NYAP2: variants seen among roughly 807,000 people sequenced by gnomAD.
The protein encoded by NYAP2 is neuronal tyrosine-phosphorylated phosphoinositide-3-kinase adaptor 2.
NYAP2 carries 23 observed loss-of-function variants against 50.4 expected under a neutral mutation model. The observed-to-expected ratio is 0.46, with a 90% CI of 0.33 to 0.65. The LOEUF is 0.65. Ranked by LOEUF, NYAP2 falls within the 30% of genes least tolerant of loss-of-function variation. The probability of loss-of-function intolerance (pLI) is 0.02; values close to 1 mark genes in which losing one functional copy is unlikely to be tolerated. For missense variants in NYAP2, 885 were observed against 861.0 expected, an observed-to-expected ratio of 1.03 and a Z score of -0.35; for synonymous variants, 394 against 365.2, an observed-to-expected ratio of 1.08 and a Z score of -0.90.
downstream of NYAP2, among the ~76,000 whole-genome samples, chr2:225,655,908 A>ACACACACACACACG (rs1693814967): frequency 3.5e-5 from 5 of 144,870 alleles, no homozygotes; most frequent in Admixed American, 3.5e-4. Context: ...ACACACACAC[A>ACACACACACACACG]CACACACACA....
At chr2:225,528,288 G>T (rs977283356) in intron 4 of NYAP2, among the ~76,000 whole-genome samples, 1 of 152,028 alleles carries the variant, frequency 6.6e-6, no homozygotes, top group Admixed American at 6.6e-5. Context: ...AAATTCTATG[G>T]GATAATAGAA....
intron 5 of NYAP2, among the ~76,000 whole-genome samples, chr2:225,595,105 A>G (rs6436572): frequency 0.92 from 139,769 of 152,014 alleles, 64,364 homozygotes; most frequent in Middle Eastern, 0.97. Context: ...ATATTCTACT[A>G]CTCAACTTTC....
chr2:225,645,238 GAAAAAA>G (rs36010669), intron 6 of NYAP2, among the ~76,000 whole-genome samples: 1 of 101,546 alleles, frequency 9.8e-6, no homozygotes, highest in Non-Finnish European at 2.0e-5. Flanking sequence ...AGCCTGGGCA[GAAAAAA>G]AAAAAAAAAA....
chr2:225,658,039 CAT>C (rs1693856229), downstream of NYAP2, among the ~76,000 whole-genome samples: 1 of 152,140 alleles, frequency 6.6e-6, no homozygotes, highest in African/African-American at 2.4e-5. Flanking sequence ...GAACTGAGAA[CAT>C]GTTTTCCATG....
intron 6 of NYAP2, among the ~76,000 whole-genome samples, chr2:225,628,169 C>T (rs565106896): frequency 6.6e-6 from 1 of 151,942 alleles, no homozygotes; most frequent in Middle Eastern, 3.2e-3. Flanking sequence ...ATGTGGATAA[C>T]CAACTCTAAA....
chr2:225,555,498 T>C (rs1691760972), intron 4 of NYAP2, among the ~76,000 whole-genome samples: 1 of 152,162 alleles, frequency 6.6e-6, no homozygotes, highest in Non-Finnish European at 1.5e-5. Flanking sequence ...TGACTGCTTA[T>C]AGAAACAACA....
chr2:225,557,797 G>T (rs754428332), intron 4 of NYAP2, among the ~76,000 whole-genome samples: 6 of 152,070 alleles, frequency 3.9e-5, no homozygotes, highest in Non-Finnish European at 7.4e-5. Flanking sequence ...ATATAAAAAG[G>T]GCTAAGTAGA....
rs191992954 is a variant in NYAP2, at chr2:225,582,842, G to A, written c.1425G>A (p.Ser475=). Residue 475 remains serine, a synonymous_variant, in exon 5 of 7, where the codon TCG becomes TCA. Transcript: ENST00000636099. This position sits in a 1 kb window ranked among gnomAD's most constrained non-coding sequence, Gnocchi z 7.0. ...GGAGCTCTCCTTCAGTGCCTCACTC[G>A]ACCCCCAGACCCGTGTCGCAAGATG... The A allele has an allele frequency of 1.3e-5, 21 of 1,613,662 alleles. 2 individuals carry two copies. In the Middle Eastern group the frequency reaches 2.3e-3, roughly 177 times the overall value.
chr2:225,630,627 G>T (rs550635860), intron 6 of NYAP2, among the ~76,000 whole-genome samples: 1 of 152,206 alleles, frequency 6.6e-6, no homozygotes, highest in African/African-American at 2.4e-5. Context: ...TATTAGCAGG[G>T]ATAAAAGGGG....
intron 3 of NYAP2, among the ~76,000 whole-genome samples, chr2:225,421,393 T>C (rs931801544): frequency 6.6e-6 from 1 of 152,230 alleles, no homozygotes; most frequent in Non-Finnish European, 1.5e-5. Context: ...GAGAACATTA[T>C]TCTTTCAGCA....
At chr2:225,693,209 AC>A in the NYAP2 span, among the ~76,000 whole-genome samples, 1 of 151,970 alleles carries the variant, frequency 6.6e-6, no homozygotes, top group South Asian at 2.1e-4. Flanking sequence ...GGGTTTCCTT[AC>A]CCTTCTCTAG....
At chr2:225,436,386 T>A (rs926958783) in intron 3 of NYAP2, among the ~76,000 whole-genome samples, 1 of 152,134 alleles carries the variant, frequency 6.6e-6, no homozygotes, top group African/African-American at 2.4e-5. Flanking sequence ...CTTGACATGG[T>A]TTGCTGACAA....
chr2:225,482,220 A>G lies in NYAP2; in HGVS notation c.222-31151A>G, dbSNP rs1003627206. On this transcript the variant is annotated intron_variant, in intron 3 of 6. Transcript: ENST00000636099. ...CAGAAAGCTCCATTAAAGTTTTTTC[A>G]TTATAAAAACATCTTCCTATCTGAT... 1.7e-4 allele frequency among the ~76,000 whole-genome samples: 26 copies of G among 152,236 alleles called. 1 individual carries two copies. The highest frequency in any genetic ancestry group is 3.4e-3 in the Middle Eastern group (1 of 294).
intron 6 of NYAP2, among the ~76,000 whole-genome samples, chr2:225,638,555 G>A (rs1211362468): frequency 6.6e-6 from 1 of 152,110 alleles, no homozygotes; most frequent in Non-Finnish European, 1.5e-5. Context: ...GGGGCAGCCA[G>A]GACTCTCAGG....
Position 225,459,441 on chromosome 2 carries a change from C to T in NYAP2, c.221+50340C>T, listed in dbSNP as rs183975623. 1.3e-3 allele frequency among the ~76,000 whole-genome samples: 197 copies of T among 152,174 alleles called. 3 individuals carry two copies. The highest frequency in any genetic ancestry group is 2.8e-4 in the Non-Finnish European group (19 of 67,986). On this transcript the variant is annotated intron_variant, in intron 3 of 6. Coordinates refer to ENST00000636099, the Ensembl canonical transcript of NYAP2. The stretch of plus-strand genomic sequence containing the variant: ...TCCAAAAATCTGTTAAGAAATTTAA[C>T]GGATTGAAAATAAATATCTCCTCCT...
chr2:225,676,974 T>G, the NYAP2 span, among the ~76,000 whole-genome samples: 2 of 152,170 alleles, frequency 1.3e-5, no homozygotes, highest in Non-Finnish European at 2.9e-5. Flanking sequence ...GGGATAGTAT[T>G]GAATGTGTAA....
At chr2:225,492,977 A>G (rs1242585575) in intron 3 of NYAP2, among the ~76,000 whole-genome samples, 1 of 151,542 alleles carries the variant, frequency 6.6e-6, no homozygotes, top group Non-Finnish European at 1.5e-5. Flanking sequence ...CTGACATAAT[A>G]TCTTTTATAG....
At chr2:225,632,320 C>T (rs370242988) in intron 6 of NYAP2, among the ~76,000 whole-genome samples, 3 of 152,134 alleles carry the variant, frequency 2.0e-5, no homozygotes, top group Admixed American at 1.3e-4. Flanking sequence ...TCCTACCTCA[C>T]ACTAGAGAGG....
intron 4 of NYAP2, among the ~76,000 whole-genome samples, chr2:225,563,729 A>T (rs1207905034): frequency 6.6e-6 from 1 of 152,180 alleles, no homozygotes; most frequent in Non-Finnish European, 1.5e-5. Context: ...GTGTTTGTGT[A>T]TCCATATTCA....
Sources: gnomAD v4.1 joint callset for allele counts (sites outside exome capture counted in the v4.1 genomes callset) on GRCh38, gnomAD v4.1.1 for gene constraint, Gnocchi (gnomAD v3.1) non-coding constraint, MANE v1.5 for transcripts, NCBI Gene and HGNC (gene_info 2026-07-23, HGNC 2026-07-21) for gene names.